TSEN15: variants seen among roughly 807,000 people sequenced by gnomAD.
TSEN15 encodes tRNA-splicing endonuclease subunit Sen15.
A neutral mutation model predicts 20.5 loss-of-function variants in TSEN15; 10 were observed. The observed-to-expected ratio is 0.49, with a 90% CI of 0.30 to 0.83. TSEN15 has a LOEUF of 0.83. Ranked by LOEUF, TSEN15 falls within the 40% of genes least tolerant of loss-of-function variation. The pLI, the probability that TSEN15 is intolerant of heterozygous loss-of-function variation, is 0.06. For synonymous variants in TSEN15, 72 were observed against 80.1 expected (o/e 0.90, Z 0.54); for missense variants, 180 against 218.6 (o/e 0.82, Z 1.11).
chr1:184,079,486 C>T (rs138923890), intron 3 of TSEN15, among the ~76,000 whole-genome samples: 2 of 152,196 alleles, frequency 1.3e-5, no homozygotes, highest in East Asian at 3.9e-4. Context: ...CTTTTAAGGG[C>T]TCTTTTCCTG....
downstream of TSEN15, among the ~76,000 whole-genome samples, chr1:184,078,030 A>C (rs1006403522): frequency 6.6e-6 from 1 of 152,196 alleles, no homozygotes; most frequent in South Asian, 2.1e-4. Context: ...GTAAAATGCT[A>C]TCAAGTAGCA....
intron 3 of TSEN15, among the ~76,000 whole-genome samples, chr1:184,080,284 GTTA>G (rs1370639580): frequency 1.3e-5 from 2 of 152,168 alleles, no homozygotes; most frequent in Non-Finnish European, 2.9e-5. Context: ...TTACTTACAT[GTTA>G]TTAACTTTTT....
At chr1:184,064,327 G>T (rs1255569994) in intron 3 of TSEN15, among the ~76,000 whole-genome samples, 1 of 152,132 alleles carries the variant, frequency 6.6e-6, no homozygotes, top group African/African-American at 2.4e-5. Flanking sequence ...AATAACATGA[G>T]CAAGGTATTG....
intron 3 of TSEN15, among the ~76,000 whole-genome samples, chr1:184,061,883 A>G (rs1467263298): frequency 6.6e-6 from 1 of 152,122 alleles, no homozygotes; most frequent in African/African-American, 2.4e-5. Flanking sequence ...TGTGTATTTG[A>G]ATGACTGTGA....
chr1:184,069,237 GTTA>G (rs1650797199), intron 3 of TSEN15, among the ~76,000 whole-genome samples: 1 of 152,076 alleles, frequency 6.6e-6, no homozygotes, highest in African/African-American at 2.4e-5. Context: ...TTTTGTTGCT[GTTA>G]TTAAATAGCT....
intron 3 of TSEN15, among the ~76,000 whole-genome samples, chr1:184,085,036 A>G (rs1343481893): frequency 6.6e-6 from 1 of 152,042 alleles, no homozygotes; most frequent in African/African-American, 2.4e-5. Flanking sequence ...GGTTTAGATA[A>G]ATTGCATAGG....
chr1:184,059,589 G>C (rs1196097039), intron 3 of TSEN15, among the ~76,000 whole-genome samples: 1 of 150,598 alleles, frequency 6.6e-6, no homozygotes, highest in African/African-American at 2.4e-5. Flanking sequence ...CTTTTTTTTT[G>C]AGATGGATTC....
intron 1 of TSEN15, among the ~76,000 whole-genome samples, chr1:184,054,105 T>G (rs1650153573): frequency 1.3e-5 from 2 of 152,252 alleles, no homozygotes; most frequent in Non-Finnish European, 2.9e-5. Context: ...TCATGTTTTT[T>G]ATTCCATTTA....
At chr1:184,053,304 T>C (rs1650120556) in intron 1 of TSEN15, among the ~76,000 whole-genome samples, 1 of 152,206 alleles carries the variant, frequency 6.6e-6, no homozygotes, top group Non-Finnish European at 1.5e-5. Flanking sequence ...TTATGTAGTT[T>C]CATCCAGTAA....
At chr1:184,057,056 A>G (rs907683706) in intron 3 of TSEN15, among the ~76,000 whole-genome samples, 6 of 152,168 alleles carry the variant, frequency 3.9e-5, no homozygotes, top group Admixed American at 2.0e-4. Flanking sequence ...AATGAATAAA[A>G]TTTGGCAAAA....
chr1:184,052,552 G>GTT (rs1650094362), intron 1 of TSEN15, among the ~76,000 whole-genome samples: 1 of 151,974 alleles, frequency 6.6e-6, no homozygotes, highest in African/African-American at 2.4e-5. Context: ...GGAGATGTGG[G>GTT]TTTTGTAAGA....
downstream of TSEN15, among the ~76,000 whole-genome samples, chr1:184,076,002 A>G (rs909282371): frequency 1.3e-5 from 2 of 151,552 alleles, no homozygotes; most frequent in African/African-American, 4.8e-5. Context: ...GGATCACATC[A>G]CATAGCAATA....
At chr1:184,094,917 G>A in intron 3 of TSEN15, 1 of 397,610 alleles carries the variant, frequency 2.5e-6, no homozygotes, top group Non-Finnish European at 4.4e-6. Flanking sequence ...GCTGGAGGTG[G>A]CCTCTGACAG....
At chr1:184,088,327 T>TA (rs1651300673) in intron 3 of TSEN15, among the ~76,000 whole-genome samples, 2 of 152,144 alleles carry the variant, frequency 1.3e-5, no homozygotes, top group African/African-American at 4.8e-5. Context: ...CATCGGACGT[T>TA]AAAAACGCCT....
At chr1:184,066,931 A>G (rs918310529) in intron 3 of TSEN15, among the ~76,000 whole-genome samples, 1 of 152,164 alleles carries the variant, frequency 6.6e-6, no homozygotes. Flanking sequence ...TAGATCTCCT[A>G]TGATTTCTTT....
intron 2 of TSEN15, 117 bp from the exon 3 acceptor site, chr1:184,054,609 CAA>C (rs1650175919): frequency 9.9e-6 from 13 of 1,311,544 alleles, no homozygotes; most frequent in Non-Finnish European, 1.4e-5. Flanking sequence ...ACTAGAAAAG[CAA>C]AGACAGGAGG....
chr1:184,055,741 T>C (rs1330158071), intron 3 of TSEN15, among the ~76,000 whole-genome samples: 6 of 152,180 alleles, frequency 3.9e-5, no homozygotes, highest in Non-Finnish European at 7.4e-5. Context: ...TGTCTTTGTT[T>C]CATGACATAC....
At chr1:184,074,230 A>G (rs59845811), downstream of TSEN15, 986 of 152,320 alleles carry the variant, frequency 6.5e-3, 9 homozygotes, top group African/African-American at 0.022. Flanking sequence ...TGAAATCTGT[A>G]TTAGTTATCT....
chr1:184,081,015 T>G (rs1230838328), intron 3 of TSEN15, among the ~76,000 whole-genome samples: 1 of 152,214 alleles, frequency 6.6e-6, no homozygotes, highest in Non-Finnish European at 1.5e-5. Flanking sequence ...AAATATGTTA[T>G]TATTAGATTC....
Sources: allele counts gnomAD v4.1 joint callset (sites outside exome capture counted in the v4.1 genomes callset), GRCh38; gene constraint gnomAD v4.1.1; transcripts MANE v1.5; gene names NCBI Gene and HGNC (gene_info 2026-07-23, HGNC 2026-07-21).